The following LRRTM4 variants were observed in gnomAD, a reference collection of about 807,000 sequenced individuals.
LRRTM4 encodes leucine-rich repeat transmembrane neuronal protein 4.
LRRTM4 carries 25 observed loss-of-function variants against 47.6 expected under a neutral mutation model. The ratio of observed to expected loss-of-function variants is 0.53; its 90% CI spans 0.38 to 0.73. LRRTM4 has a LOEUF of 0.73. Among genes scored for constraint, LRRTM4 ranks in the 30% least tolerant of loss-of-function variants. The pLI, the probability that LRRTM4 is intolerant of heterozygous loss-of-function variation, is 0.00. For missense variants in LRRTM4, 638 were observed against 713.4 expected (o/e 0.89, Z 1.20); for synonymous variants, 311 against 269.5 (o/e 1.15, Z -1.51).
rs181957148 is a variant in LRRTM4 at position 76,897,782 on chromosome 2, T to A, written c.1552-148866A>T. 9.7e-4 allele frequency among the ~76,000 whole-genome samples: 148 copies of A among 152,240 alleles called. 1 individual carries two copies. Among genetic ancestry groups the A allele is most frequent in the Non-Finnish European group, 1.3e-3 (90 of 68,006 alleles). ...AGGCATGTTAATTCCCATTGCACAG[T>A]TAGGATTGTTACTGGCTCTGCAGTC... On this transcript the variant is annotated intron_variant, in intron 3 of 3. Coordinates refer to ENST00000409884, the MANE Select transcript of LRRTM4 (RefSeq NM_001134745.3).
At chr2:76,806,528 C>G (rs1675975685) in intron 3 of LRRTM4, among the ~76,000 whole-genome samples, 1 of 152,014 alleles carries the variant, frequency 6.6e-6, no homozygotes. Context: ...TTGCAATGAG[C>G]CAAGATCACG....
chr2:77,112,079 C>T, intron 3 of LRRTM4, among the ~76,000 whole-genome samples: 1 of 152,050 alleles, frequency 6.6e-6, no homozygotes, highest in African/African-American at 2.4e-5. Flanking sequence ...ATGTGTGAGG[C>T]AGGAGGATGG....
At chr2:77,481,202 T>G (rs563388114) in intron 3 of LRRTM4, among the ~76,000 whole-genome samples, 1 of 152,304 alleles carries the variant, frequency 6.6e-6, no homozygotes, top group African/African-American at 2.4e-5. Context: ...CTGTTATGTG[T>G]GTTAGCTCAT....
intron 3 of LRRTM4, among the ~76,000 whole-genome samples, chr2:76,875,665 A>G (rs994088498): frequency 2.0e-5 from 3 of 152,132 alleles, no homozygotes; most frequent in African/African-American, 7.2e-5. Flanking sequence ...CTGTTTCTAT[A>G]TATTTTCTAG....
intron 3 of LRRTM4, among the ~76,000 whole-genome samples, chr2:76,999,743 C>A (rs978663534): frequency 2.6e-5 from 4 of 152,058 alleles, no homozygotes; most frequent in African/African-American, 9.7e-5. Flanking sequence ...TTGTCTTTCA[C>A]GGCACACAGT....
chr2:76,909,069 C>T, intron 3 of LRRTM4, among the ~76,000 whole-genome samples: 1 of 147,624 alleles, frequency 6.8e-6, no homozygotes, highest in African/African-American at 2.4e-5. Flanking sequence ...AAGCTGGAGG[C>T]ATCACACTAC....
chr2:77,222,627 A>G (rs10205155), intron 3 of LRRTM4, among the ~76,000 whole-genome samples: 105,142 of 152,010 alleles, frequency 0.69, 37,092 homozygotes, highest in African/African-American at 0.85. Context: ...TAAATTCCTC[A>G]ACACATACAC....
chr2:77,104,010 A>T (rs923503437), intron 3 of LRRTM4, among the ~76,000 whole-genome samples: 1 of 152,190 alleles, frequency 6.6e-6, no homozygotes. Flanking sequence ...TTTTACTTGA[A>T]TATCTAATAG....
chr2:77,485,463 T>C (rs1264491006), intron 3 of LRRTM4, among the ~76,000 whole-genome samples: 3 of 152,210 alleles, frequency 2.0e-5, no homozygotes, highest in Non-Finnish European at 4.4e-5. Flanking sequence ...GATATTTTTA[T>C]ATAGTTGTGG....
chr2:77,318,216 A>C lies in LRRTM4; in HGVS notation c.1551+200102T>G, dbSNP rs543512937. 3.3e-3 allele frequency among the ~76,000 whole-genome samples: 495 copies of C among 152,036 alleles called. 1 individual carries two copies. Among genetic ancestry groups the C allele is most frequent in the Non-Finnish European group, 5.9e-3 (398 of 67,936 alleles). ...AGAGACGGGGTTTCACCATGTTAGC[A>C]AGGATGGTCTTGATCTCCTGAACTC... On this transcript the variant is annotated intron_variant, in intron 3 of 3. Coordinates refer to ENST00000409884, the MANE Select transcript of LRRTM4 (RefSeq NM_001134745.3).
At chr2:77,021,734 T>C (rs942265424) in intron 3 of LRRTM4, among the ~76,000 whole-genome samples, 7 of 152,178 alleles carry the variant, frequency 4.6e-5, no homozygotes, top group African/African-American at 1.4e-4. Context: ...GAAAAACATA[T>C]GCTTTTGGAG....
rs370903947 is a variant in LRRTM4 at position 76,872,294 on chromosome 2, C to T, written c.1552-123378G>A. ...TTAGGATTACAATAAAACAATATTG[C>T]AACATTGAACCAGTAAGAACAATAA... On this transcript the variant is annotated intron_variant, in intron 3 of 3. Coordinates refer to ENST00000409884, the MANE Select transcript of LRRTM4 (RefSeq NM_001134745.3). 3.3e-4 allele frequency among the ~76,000 whole-genome samples: 50 copies of T among 152,038 alleles called. No homozygotes were observed. In the East Asian group the frequency reaches 9.5e-3, roughly 29 times the overall value.
chr2:76,988,679 C>T (rs751365017), intron 3 of LRRTM4, among the ~76,000 whole-genome samples: 2 of 151,820 alleles, frequency 1.3e-5, no homozygotes, highest in Non-Finnish European at 2.9e-5. Context: ...TAGTGAAACA[C>T]CTTAAAAATT....
At chr2:77,015,751 A>G (rs1399133114) in intron 3 of LRRTM4, among the ~76,000 whole-genome samples, 2 of 152,208 alleles carry the variant, frequency 1.3e-5, no homozygotes, top group South Asian at 2.1e-4. Flanking sequence ...AAAAGCCTGG[A>G]AATGTCAGAG....
intron 3 of LRRTM4, among the ~76,000 whole-genome samples, chr2:76,762,136 G>A (rs529918765): frequency 1.1e-4 from 17 of 152,254 alleles, no homozygotes; most frequent in African/African-American, 3.6e-4. Flanking sequence ...CCATGCTCCA[G>A]TATGTACCCT....
At chr2:76,793,372 A>G (rs984970157) in intron 3 of LRRTM4, among the ~76,000 whole-genome samples, 3 of 152,170 alleles carry the variant, frequency 2.0e-5, no homozygotes, top group African/African-American at 7.2e-5. Context: ...TTGGCCACAA[A>G]TCCTAAAATA....
chr2:76,981,740 G>A (rs935432554), intron 3 of LRRTM4, among the ~76,000 whole-genome samples: 5 of 151,994 alleles, frequency 3.3e-5, no homozygotes, highest in Middle Eastern at 6.8e-3. Flanking sequence ...TAATCTTCCC[G>A]CCTCAGCCTC....
chr2:77,304,531 C>G (rs1330657268), intron 3 of LRRTM4, among the ~76,000 whole-genome samples: 1 of 151,988 alleles, frequency 6.6e-6, no homozygotes, highest in Non-Finnish European at 1.5e-5. Flanking sequence ...AAATAGTCAG[C>G]TGGCAAACCT....
At chr2:77,486,560 A>G (rs1333626563) in intron 3 of LRRTM4, among the ~76,000 whole-genome samples, 2 of 152,178 alleles carry the variant, frequency 1.3e-5, no homozygotes, top group African/African-American at 2.4e-5. Context: ...AATAACAATT[A>G]TAATATTAAC....
Sources: gnomAD v4.1 joint callset for allele counts (sites outside exome capture counted in the v4.1 genomes callset) on GRCh38, gnomAD v4.1.1 for gene constraint, MANE v1.5 for transcripts, NCBI Gene and HGNC (gene_info 2026-07-23, HGNC 2026-07-21) for gene names.